The following KHDRBS2 variants were observed in gnomAD, a reference collection of about 807,000 sequenced individuals.
KHDRBS2 encodes KH domain-containing, RNA-binding, signal transduction-associated protein 2.
In KHDRBS2, 26 loss-of-function variants were observed where a neutral mutation model predicts 44.3. The observed-to-expected ratio is 0.59, with a 90% CI of 0.43 to 0.81. KHDRBS2 has a LOEUF of 0.81. Ranked by LOEUF, KHDRBS2 falls within the 40% of genes least tolerant of loss-of-function variation. The pLI is 0.00. For missense variants in KHDRBS2, 476 were observed against 433.1 expected (o/e 1.10, Z -0.88); for synonymous variants, 194 against 151.1 (o/e 1.28, Z -2.08).
intron 2 of KHDRBS2, among the ~76,000 whole-genome samples, chr6:62,170,246 C>T (rs947189312): frequency 1.3e-5 from 2 of 152,018 alleles, no homozygotes; most frequent in Non-Finnish European, 2.9e-5. Flanking sequence ...AGAAGTGAGA[C>T]ACCTGTGTTC....
At chr6:62,140,524 T>A (rs1812586695) in intron 2 of KHDRBS2, among the ~76,000 whole-genome samples, 1 of 152,166 alleles carries the variant, frequency 6.6e-6, no homozygotes, top group African/African-American at 2.4e-5. Flanking sequence ...TGATTAGGGG[T>A]TCTTAATTAA....
chr6:61,634,142 A>G, the KHDRBS2 span, among the ~76,000 whole-genome samples: 9 of 152,028 alleles, frequency 5.9e-5, no homozygotes, highest in Non-Finnish European at 1.3e-4. Flanking sequence ...TTAAAATTAT[A>G]TAGAAGGATT....
intron 4 of KHDRBS2, among the ~76,000 whole-genome samples, chr6:61,919,946 C>T (rs138363228): frequency 0.02 from 2,961 of 151,760 alleles, 46 homozygotes; most frequent in Middle Eastern, 0.034. Flanking sequence ...TATGATTCTA[C>T]GAATGGTTTG....
intron 3 of KHDRBS2, among the ~76,000 whole-genome samples, chr6:62,015,690 G>A (rs192678308): frequency 8.5e-5 from 13 of 152,126 alleles, no homozygotes; most frequent in African/African-American, 2.6e-4. Flanking sequence ...CTGCAGAGAT[G>A]GCAAAAACAA....
At chr6:62,185,584 A>G (rs1190590154) in intron 1 of KHDRBS2, among the ~76,000 whole-genome samples, 1 of 151,982 alleles carries the variant, frequency 6.6e-6, no homozygotes, top group Non-Finnish European at 1.5e-5. Context: ...TTCACAAGTA[A>G]TTATTTTTGA....
chr6:62,156,838 ATTTTTTTTTTTTTT>A (rs34408265), intron 2 of KHDRBS2, among the ~76,000 whole-genome samples: 1 of 124,034 alleles, frequency 8.1e-6, no homozygotes, highest in African/African-American at 3.0e-5. Context: ...CGCCCGGCTA[ATTTTTTTTTTTTTT>A]TTTTTTGTAT....
intron 3 of KHDRBS2, among the ~76,000 whole-genome samples, chr6:61,984,870 A>T (rs1402838178): frequency 3.3e-5 from 5 of 152,110 alleles, no homozygotes; most frequent in Non-Finnish European, 7.4e-5. Flanking sequence ...ATTTTAAGAT[A>T]AAAAAACTAC....
At chr6:62,036,709 C>G (rs577479487) in intron 3 of KHDRBS2, among the ~76,000 whole-genome samples, 1 of 152,062 alleles carries the variant, frequency 6.6e-6, no homozygotes, top group Admixed American at 6.6e-5. Context: ...CATAAAATGA[C>G]CTTCATGTTT....
intron 7 of KHDRBS2, among the ~76,000 whole-genome samples, chr6:61,706,768 G>T (rs1769636063): frequency 6.6e-6 from 1 of 151,740 alleles, no homozygotes; most frequent in African/African-American, 2.4e-5. Context: ...GAATAATATT[G>T]TGAATGTTTT....
intron 8 of KHDRBS2, among the ~76,000 whole-genome samples, chr6:61,685,540 TTCTA>T (rs1472968761): frequency 2.6e-5 from 4 of 151,780 alleles, no homozygotes; most frequent in Admixed American, 6.6e-5. Flanking sequence ...CTTTCAAAAG[TTCTA>T]TCTGTTTTTT....
At chr6:61,612,978 G>A in the KHDRBS2 span, among the ~76,000 whole-genome samples, 3 of 148,834 alleles carry the variant, frequency 2.0e-5, no homozygotes, top group African/African-American at 5.0e-5. Flanking sequence ...TCAGCCTCCC[G>A]AGTAGCTGGG....
chr6:62,059,198 GTTTTTTTTTTTTTTTTTTTTTTT>G (rs398001756), intron 2 of KHDRBS2, among the ~76,000 whole-genome samples: 2 of 24,878 alleles, frequency 8.0e-5, no homozygotes, highest in Non-Finnish European at 1.6e-4. Context: ...AAGTTAGGAA[GTTTTTTTTTTTTTTTTTTTTTTT>G]TTTTTTTTTT....
At chr6:61,816,557 G>T in intron 6 of KHDRBS2, 3 of 424,196 alleles carry the variant, frequency 7.1e-6, no homozygotes, top group South Asian at 3.3e-5. Context: ...TGACATATTG[G>T]ACTTCTAGCC....
At chr6:61,850,530 T>A (rs2127283284) in intron 6 of KHDRBS2, among the ~76,000 whole-genome samples, 1 of 152,326 alleles carries the variant, frequency 6.6e-6, no homozygotes, top group East Asian at 1.9e-4. Flanking sequence ...GTGATGTTGC[T>A]ATGGTATCTG....
At chr6:61,790,361 C>T (rs1308629537) in intron 6 of KHDRBS2, among the ~76,000 whole-genome samples, 3 of 149,432 alleles carry the variant, frequency 2.0e-5, no homozygotes, top group African/African-American at 7.4e-5. Context: ...GCAGAAATTG[C>T]TAAAGAAGTT....
chr6:62,188,084 C>G (rs1823814618), intron 1 of KHDRBS2, among the ~76,000 whole-genome samples: 1 of 151,948 alleles, frequency 6.6e-6, no homozygotes, highest in Admixed American at 6.6e-5. Flanking sequence ...AGGTGAACTA[C>G]CAGAGCAAGA....
chr6:61,879,687 A>T (rs546303150), intron 6 of KHDRBS2, among the ~76,000 whole-genome samples: 27 of 152,054 alleles, frequency 1.8e-4, no homozygotes, highest in African/African-American at 5.8e-4. Flanking sequence ...TAACATACTA[A>T]CATCTTAAAG....
At chr6:62,003,938 A>G (rs2127261757) in intron 3 of KHDRBS2, among the ~76,000 whole-genome samples, 1 of 152,330 alleles carries the variant, frequency 6.6e-6, no homozygotes, top group South Asian at 2.1e-4. Context: ...AGAAATACAG[A>G]TGTTCTTTGA....
chr6:62,061,347 G>A (rs1791812482), intron 2 of KHDRBS2, among the ~76,000 whole-genome samples: 1 of 151,484 alleles, frequency 6.6e-6, no homozygotes, highest in Non-Finnish European at 1.5e-5. Flanking sequence ...CTTCCTTCAG[G>A]AGCTCTTTTA....
Sources: allele counts gnomAD v4.1 joint callset (sites outside exome capture counted in the v4.1 genomes callset), GRCh38; gene constraint gnomAD v4.1.1; transcripts MANE v1.5; gene names NCBI Gene and HGNC (gene_info 2026-07-23, HGNC 2026-07-21).